The following PRKG1 variants were observed in gnomAD, a reference collection of about 807,000 sequenced individuals.
PRKG1 encodes protein kinase cGMP-dependent 1, also known as cGMP-dependent protein kinase 1.
PRKG1 carries 35 observed loss-of-function variants against 88.1 expected under a neutral mutation model. The observed-to-expected ratio is 0.40, with a 90% CI of 0.30 to 0.53. PRKG1 has a LOEUF of 0.53. Among genes scored for constraint, PRKG1 ranks in the 20% least tolerant of loss-of-function variants. PRKG1 has a pLI of 0.59. For synonymous variants in PRKG1, 303 were observed against 292.5 expected, an observed-to-expected ratio of 1.04 and a Z score of -0.37; for missense variants, 540 against 839.8, an observed-to-expected ratio of 0.64 and a Z score of 4.41.
chr10:51,595,496 G>T (rs889600815), intron 3 of PRKG1, among the ~76,000 whole-genome samples: 18 of 151,788 alleles, frequency 1.2e-4, no homozygotes, highest in African/African-American at 4.4e-4. Flanking sequence ...TGAACATGTT[G>T]GTGCATGCCT....
At chr10:51,295,190 A>G (rs1840688064) in intron 2 of PRKG1, among the ~76,000 whole-genome samples, 1 of 152,198 alleles carries the variant, frequency 6.6e-6, no homozygotes, top group South Asian at 2.1e-4. Flanking sequence ...TGGGATTTTA[A>G]TAGCTATTAC....
chr10:51,814,179 G>A (rs1839527451), intron 4 of PRKG1, among the ~76,000 whole-genome samples: 1 of 152,124 alleles, frequency 6.6e-6, no homozygotes, highest in Non-Finnish European at 1.5e-5. Context: ...TATGCTCTGT[G>A]ATCTTTTAAG....
Position 51,612,140 on chromosome 10 carries a change from A to C in PRKG1, c.592+144304A>C, listed in dbSNP as rs143694759. On this transcript the variant is annotated intron_variant, in intron 3 of 17. Transcript: ENST00000373980. Reference sequence around the variant, plus strand: ...TTCTGGCTCTTTTTTTCATTTCATAAACATTTGAAAGATTATTTTGTTTAT... The same window carrying C: ...TTCTGGCTCTTTTTTTCATTTCATACACATTTGAAAGATTATTTTGTTTAT... Among the ~76,000 whole-genome samples the C allele has an allele frequency of 1.3e-3, 202 of 152,048 alleles. 2 individuals carry two copies. The Middle Eastern group carries it at 0.037, about 28-fold the overall frequency.
intron 9 of PRKG1, among the ~76,000 whole-genome samples, chr10:52,164,364 G>GTAAATAAATAAATAAA (rs5784909): frequency 3.4e-5 from 5 of 148,898 alleles, no homozygotes; most frequent in African/African-American, 1.2e-4. Context: ...AAATAAGTAA[G>GTAAATAAATAAATAAA]TAAATAAATA....
At chr10:51,668,360 C>G (rs774065077) in intron 3 of PRKG1, among the ~76,000 whole-genome samples, 3 of 152,084 alleles carry the variant, frequency 2.0e-5, no homozygotes, top group Middle Eastern at 3.2e-3. Flanking sequence ...AATTTTGACT[C>G]CATAGAAATT....
chr10:51,974,757 G>T (rs1331272138), intron 5 of PRKG1, among the ~76,000 whole-genome samples: 1 of 152,028 alleles, frequency 6.6e-6, no homozygotes, highest in Non-Finnish European at 1.5e-5. Flanking sequence ...AACCCCAAAG[G>T]AATTGGCTTG....
rs112565172 is a variant in PRKG1, at chr10:51,534,541, T to A, written c.592+66705T>A. Among the ~76,000 whole-genome samples, 409 of 88,930 alleles carry A rather than the reference T, an allele frequency of 4.6e-3. 3 individuals are homozygous for A. Among genetic ancestry groups the A allele is most frequent in the African/African-American group, 0.014 (383 of 27,764 alleles). 58.3% of individuals were successfully genotyped at this position (88,930 alleles called of 152,430 possible). A position where few individuals can be genotyped will look rare whatever the true frequency, so the allele number is the denominator to read the frequency against. On this transcript the variant is annotated intron_variant, in intron 3 of 17. Coordinates refer to ENST00000373980, the MANE Select transcript of PRKG1 (RefSeq NM_006258.4). Reference sequence around the variant, plus strand: ...ACATTAGCCGGGCGAGGTGGCGGGCTCCTGTAGTCCCAGCTACTCGGGAGC... The same window carrying A: ...ACATTAGCCGGGCGAGGTGGCGGGCACCTGTAGTCCCAGCTACTCGGGAGC...
intron 4 of PRKG1, among the ~76,000 whole-genome samples, chr10:51,870,348 T>G (rs1431827144): frequency 6.6e-6 from 1 of 152,016 alleles, no homozygotes; most frequent in Non-Finnish European, 1.5e-5. Flanking sequence ...GTTGTCAGAG[T>G]TAAGTCATTT....
chr10:52,281,046 T>C, intron 13 of PRKG1, 116 bp downstream of exon 13: 1 of 1,232,276 alleles, frequency 8.1e-7, no homozygotes, highest in Non-Finnish European at 1.1e-6. Flanking sequence ...GTAACTTTCT[T>C]AAAAGCAGAT....
intron 5 of PRKG1, among the ~76,000 whole-genome samples, chr10:52,029,281 C>G (rs867219336): frequency 3.3e-5 from 5 of 152,208 alleles, no homozygotes; most frequent in African/African-American, 1.2e-4. Context: ...AAATGAATTT[C>G]TTTCCATTAT....
At chr10:52,170,044 CTTAGT>C (rs1838621445) in intron 9 of PRKG1, among the ~76,000 whole-genome samples, 1 of 152,136 alleles carries the variant, frequency 6.6e-6, no homozygotes. Context: ...GTAGCATTCC[CTTAGT>C]TTAAAGCATT....
At chr10:51,806,869 A>G (rs923156587) in intron 4 of PRKG1, among the ~76,000 whole-genome samples, 7 of 152,080 alleles carry the variant, frequency 4.6e-5, no homozygotes, top group Admixed American at 3.9e-4. Flanking sequence ...GCTTTTTCAC[A>G]GCACATTCCC....
At chr10:52,013,565 T>C (rs562081816) in intron 5 of PRKG1, among the ~76,000 whole-genome samples, 1 of 152,334 alleles carries the variant, frequency 6.6e-6, no homozygotes, top group Admixed American at 6.5e-5. Flanking sequence ...AGTCCTAAAC[T>C]ATAGGTACAG....
intron 2 of PRKG1, among the ~76,000 whole-genome samples, chr10:51,329,797 T>G (rs1841684820): frequency 6.6e-6 from 1 of 152,104 alleles, no homozygotes; most frequent in Non-Finnish European, 1.5e-5. Context: ...GCCTGTAAGA[T>G]TTTTGCTGCG....
chr10:52,150,209 T>C (rs369290487), intron 8 of PRKG1, among the ~76,000 whole-genome samples: 1 of 140,996 alleles, frequency 7.1e-6, no homozygotes, highest in Admixed American at 7.1e-5. Flanking sequence ...AGGGCAGGAT[T>C]TGAGAGAGAG....
chr10:51,501,790 C>CTTTTT lies in PRKG1; in HGVS notation c.592+33969_592+33973dup, dbSNP rs5784871. On this transcript the variant is annotated intron_variant, in intron 3 of 17. Coordinates refer to ENST00000373980, the MANE Select transcript of PRKG1 (RefSeq NM_006258.4). The stretch of plus-strand genomic sequence containing the variant: ...AAGCAAATTCACCCAACTTTAGTTT[C>CTTTTT]TTTTTTTTTTTTTTTTTTTGTCAGT... 3.0e-3 allele frequency among the ~76,000 whole-genome samples: 345 copies of CTTTTT among 113,492 alleles called. 1 individual carries two copies. Among genetic ancestry groups the CTTTTT allele is most frequent in the East Asian group, 0.012 (44 of 3,616 alleles). The allele number at this position is 113,492 out of a possible 152,430, so 74.5% of individuals were successfully genotyped here. A position where few individuals can be genotyped will look rare whatever the true frequency, so the allele number is the denominator to read the frequency against.
chr10:51,485,649 A>G (rs1337215649), intron 3 of PRKG1, among the ~76,000 whole-genome samples: 5 of 152,222 alleles, frequency 3.3e-5, no homozygotes, highest in Non-Finnish European at 7.3e-5. Flanking sequence ...AAAATGTTAT[A>G]TTGCTACTAA....
rs865871354 is a variant in PRKG1, at chr10:51,733,524, A to G, written c.593-71061A>G. On this transcript the variant is annotated intron_variant, in intron 3 of 17. Coordinates refer to ENST00000373980, the MANE Select transcript of PRKG1 (RefSeq NM_006258.4). ...CTTACACTTTGCTTTTTTTCTCTAT[A>G]TAAGATGGAGTTGAAAAGCAAGTAA... Among the ~76,000 whole-genome samples the G allele has an allele frequency of 3.9e-5, 6 of 152,318 alleles. No homozygotes were observed. The Middle Eastern group carries it at 0.01, about 259-fold the overall frequency.
intron 4 of PRKG1, among the ~76,000 whole-genome samples, chr10:51,821,902 CA>C (rs1222947356): frequency 6.6e-6 from 1 of 151,778 alleles, no homozygotes; most frequent in African/African-American, 2.4e-5. Context: ...GGAGCTTCCT[CA>C]AAAAATTAAA....
Sources: gnomAD v4.1 joint callset for allele counts (sites outside exome capture counted in the v4.1 genomes callset) on GRCh38, gnomAD v4.1.1 for gene constraint, MANE v1.5 for transcripts, NCBI Gene and HGNC (gene_info 2026-07-23, HGNC 2026-07-21) for gene names.